The following ZFYVE27 variants were observed in gnomAD, a reference collection of about 807,000 sequenced individuals.
ZFYVE27 encodes protrudin.
In ZFYVE27, 36 loss-of-function variants were observed where a neutral mutation model predicts 52.8. That is an observed-to-expected ratio of 0.68 (90% CI 0.52 to 0.90). ZFYVE27 has a LOEUF of 0.90. ZFYVE27 is among the 40% of genes least tolerant of loss of function. The pLI, the probability that ZFYVE27 is intolerant of heterozygous loss-of-function variation, is 0.00. For missense variants in ZFYVE27, 450 were observed against 527.2 expected, an observed-to-expected ratio of 0.85 and a Z score of 1.43; for synonymous variants, 223 against 215.6, an observed-to-expected ratio of 1.03 and a Z score of -0.30.
chr10:97,742,348 CA>C (rs2043935336), intron 2 of ZFYVE27, among the ~76,000 whole-genome samples: 1 of 152,076 alleles, frequency 6.6e-6, no homozygotes, highest in Admixed American at 6.5e-5. Flanking sequence ...TTGTTCTCAG[CA>C]ATCTGAGTCT....
chr10:97,750,749 CTTT>C (rs987367899), intron 7 of ZFYVE27, among the ~76,000 whole-genome samples: 1 of 145,478 alleles, frequency 6.9e-6, no homozygotes, highest in African/African-American at 2.5e-5. Context: ...TTTTTTTTTC[CTTT>C]TTTTTTGAGA....
At chr10:97,747,344 G>C (rs1178565282) in intron 4 of ZFYVE27, among the ~76,000 whole-genome samples, 6 of 152,154 alleles carry the variant, frequency 3.9e-5, no homozygotes, top group African/African-American at 1.4e-4. Context: ...AGTAATTTGA[G>C]GGGAGATACT....
chr10:97,757,147 G>A, intron 10 of ZFYVE27, 118 bp from the exon 11 acceptor site: 1 of 1,433,688 alleles, frequency 7.0e-7, no homozygotes, highest in African/African-American at 1.4e-5. Flanking sequence ...CTGGCTCACT[G>A]TGTCCAGCCA....
In ZFYVE27 at chr10:97,750,312, T is replaced by C; in HGVS notation, c.665-19T>C. 6.2e-7 allele frequency: 1 copy of C among 1,613,828 alleles called. No homozygotes were observed. The highest frequency in any genetic ancestry group is 8.5e-7 in the Non-Finnish European group (1 of 1,180,008). On this transcript the variant is annotated intron_variant, in intron 6 of 12. Transcript: ENST00000684270. The stretch of plus-strand genomic sequence containing the variant: ...TGTCTCATTTTTGCCTCCTACCTTG[T>C]TCTCCATTCCCTGGGTAGTTGTGTC...
chr10:97,746,205 T>C (rs565690914), intron 4 of ZFYVE27, among the ~76,000 whole-genome samples: 58 of 151,918 alleles, frequency 3.8e-4, no homozygotes, highest in African/African-American at 1.4e-3. Context: ...TGTGCCACCA[T>C]GTCCAGCTAA....
chr10:97,753,720 A>T (rs2047605656), intron 10 of ZFYVE27, among the ~76,000 whole-genome samples: 1 of 152,180 alleles, frequency 6.6e-6, no homozygotes, highest in Admixed American at 6.5e-5. Flanking sequence ...TGGTTGGTTC[A>T]TAGTAAGTAG....
chr10:97,743,255 C>T, intron 3 of ZFYVE27, 91 bp downstream of exon 3: 3 of 1,432,690 alleles, frequency 2.1e-6, no homozygotes, highest in African/African-American at 1.4e-5. Flanking sequence ...GTGGGAGCTG[C>T]TCTTGTTGCC....
intron 4 of ZFYVE27, among the ~76,000 whole-genome samples, chr10:97,746,074 A>T (rs1454006939): frequency 5.8e-5 from 8 of 139,022 alleles, no homozygotes; most frequent in Admixed American, 1.5e-4. Flanking sequence ...TTTGAGACAG[A>T]GTCTTGTTAT....
intron 6 of ZFYVE27, 78 bp from the exon 7 acceptor site, chr10:97,750,253 G>A: frequency 6.4e-7 from 1 of 1,572,186 alleles, no homozygotes; most frequent in Non-Finnish European, 8.7e-7. Flanking sequence ...CCAGCCAGCT[G>A]CAGAAGTGGG....
At chr10:97,749,971 C>G in intron 6 of ZFYVE27, 1 of 412,946 alleles carries the variant, frequency 2.4e-6, no homozygotes, top group African/African-American at 2.0e-5. Context: ...CCTCTGTTGT[C>G]TGGCTTCTAA....
At chr10:97,738,981 C>T (rs2042847703) in intron 2 of ZFYVE27, 3 of 305,802 alleles carry the variant, frequency 9.8e-6, no homozygotes, top group African/African-American at 2.1e-5. Context: ...TTAGAGCAGG[C>T]TTAATTTTTT....
intron 8 of ZFYVE27, 47 bp downstream of exon 8, chr10:97,751,509 G>T: frequency 6.3e-7 from 1 of 1,592,522 alleles, no homozygotes; most frequent in Non-Finnish European, 8.6e-7. Flanking sequence ...GCCAGAAATT[G>T]GGTGGTCCTG....
chr10:97,745,904 T>C (rs1034253712), intron 4 of ZFYVE27, among the ~76,000 whole-genome samples: 13 of 152,018 alleles, frequency 8.6e-5, no homozygotes, highest in Non-Finnish European at 5.9e-5. Flanking sequence ...AGAAAAGTTA[T>C]AAACAAACAG....
At chr10:97,751,738 G>A (rs982963374) in intron 8 of ZFYVE27, among the ~76,000 whole-genome samples, 2 of 152,140 alleles carry the variant, frequency 1.3e-5, no homozygotes, top group Non-Finnish European at 1.5e-5. Context: ...GCTGGAGACC[G>A]TGGGCTTGGT....
At chr10:97,737,909 C>G (rs982658951) in intron 1 of ZFYVE27, among the ~76,000 whole-genome samples, 1 of 152,200 alleles carries the variant, frequency 6.6e-6, no homozygotes, top group Admixed American at 6.5e-5. Flanking sequence ...TTCACTCATT[C>G]AGCAGGCATT....
At chr10:97,757,082 T>A in intron 10 of ZFYVE27, 183 bp from the exon 11 acceptor site, 1 of 711,454 alleles carries the variant, frequency 1.4e-6, no homozygotes, top group Non-Finnish European at 2.4e-6. Context: ...CCTCAGGGGC[T>A]ATCAGTCTTC....
intron 4 of ZFYVE27, among the ~76,000 whole-genome samples, chr10:97,747,932 G>A (rs539704575): frequency 1.3e-5 from 2 of 152,150 alleles, no homozygotes; most frequent in Admixed American, 6.5e-5. Flanking sequence ...CTGTGTACCC[G>A]TGAGGTGGGT....
chr10:97,749,997 T>A (rs1283308059), intron 6 of ZFYVE27: 1 of 423,328 alleles, frequency 2.4e-6, no homozygotes, highest in East Asian at 5.3e-5. Context: ...TGAGGCAGTC[T>A]GGAGAGGCAC....
chr10:97,757,566 T>G, intron 11 of ZFYVE27, 76 bp from the exon 12 acceptor site: 2 of 1,505,364 alleles, frequency 1.3e-6, no homozygotes, highest in Non-Finnish European at 1.8e-6. Context: ...GATCAGCTGG[T>G]GGAAAGGAGG....
Sources: gnomAD v4.1 joint callset for allele counts (sites outside exome capture counted in the v4.1 genomes callset) on GRCh38, gnomAD v4.1.1 for gene constraint, MANE v1.5 for transcripts, NCBI Gene and HGNC (gene_info 2026-07-23, HGNC 2026-07-21) for gene names.